TTBK1: variants seen among roughly 807,000 people sequenced by gnomAD.
TTBK1 encodes the protein tau tubulin kinase 1.
TTBK1 carries 34 observed loss-of-function variants against 108.5 expected under a neutral mutation model. The ratio of observed to expected loss-of-function variants is 0.31; its 90% CI spans 0.24 to 0.42. TTBK1 has a LOEUF of 0.42. Among genes scored for constraint, TTBK1 ranks in the 10% least tolerant of loss-of-function variants. The pLI is 1.00. For missense variants in TTBK1, 1,539 were observed against 1,826.0 expected, an observed-to-expected ratio of 0.84 and a Z score of 2.86; for synonymous variants, 809 against 795.1, an observed-to-expected ratio of 1.02 and a Z score of -0.29.
In TTBK1 at chr6:43,269,533, C is replaced by G. The variant is rs1777768229; in HGVS notation, c.1986+6183C>G. 7.7e-7 allele frequency: 1 copy of G among 1,294,658 alleles called. No homozygotes were observed. Among genetic ancestry groups the G allele is most frequent in the African/African-American group, 1.5e-5 (1 of 65,062 alleles). 80.2% of individuals were successfully genotyped at this position (1,294,658 alleles called of 1,614,324 possible). On this transcript the variant is annotated intron_variant, in intron 13 of 14. Coordinates refer to ENST00000259750, the MANE Select transcript of TTBK1 (RefSeq NM_032538.3). The surrounding 1 kb of genome is among the most constrained non-coding windows in gnomAD (Gnocchi z 4.8). The stretch of plus-strand genomic sequence containing the variant: ...CACCCTGCCTGACCCCGCCCACTTG[C>G]CCGGGACGCCGGCGCCGCAGGGGCT...
At chr6:43,255,341 G>A (rs1289902056) in intron 7 of TTBK1, among the ~76,000 whole-genome samples, 1 of 152,144 alleles carries the variant, frequency 6.6e-6, no homozygotes, top group Non-Finnish European at 1.5e-5. Flanking sequence ...ACCCCTGTCC[G>A]GTGAGGAAGC....
rs1420608104 is a variant in TTBK1, at chr6:43,284,651, CT to C, written c.3573-330del. ...AGGATAAAGCCCAGTGCTTTGACTCCTTGGGAGAAAACATTATTTCATATTA... is the reference window on the plus strand; with the variant it reads ...AGGATAAAGCCCAGTGCTTTGACTCCTGGGAGAAAACATTATTTCATATTA... On this transcript the variant is annotated intron_variant, in intron 14 of 14. Transcript: ENST00000259750. 7.9e-5 allele frequency among the ~76,000 whole-genome samples: 12 copies of C among 152,358 alleles called. No homozygotes were observed. The East Asian group carries it at 2.3e-3, about 29-fold the overall frequency.
rs764504416 is a variant in TTBK1 at position 43,283,032 on chromosome 6, G to A, written c.2292G>A (p.Glu764=). The A allele has an allele frequency of 1.4e-5, 23 of 1,590,354 alleles. No homozygotes were observed. In the African/African-American group the frequency reaches 2.8e-4, roughly 20 times the overall value. Residue 764 remains glutamate (E), a synonymous_variant, in exon 14 of 15, where the codon GAG becomes GAA. Transcript: ENST00000259750. This position sits in a 1 kb window ranked among gnomAD's most constrained non-coding sequence, Gnocchi z 8.1. ...AGGAAGAGGAGGAGGAAGAAGAGGA[G>A]GAGGAGGAAGAGGAGGAGGAGGCTG... is the stretch of plus-strand genomic sequence containing the variant. ...EEEEEEEEEE[E]EEEEEEEAAA...
In TTBK1 at chr6:43,285,252, C is replaced by G; in HGVS notation, c.3842C>G (p.Ala1281Gly). 7.7e-7 allele frequency: 1 copy of G among 1,298,076 alleles called. No homozygotes were observed. The highest frequency in any genetic ancestry group is 2.5e-5 in the South Asian group (1 of 39,298). 80.4% of individuals were successfully genotyped at this position (1,298,076 alleles called of 1,614,324 possible). ...CCCCGGGGCGTCCCGCCGGCCCGGGCCCAGCCTGATGGCACCCCCTCCCCC... is the reference window on the plus strand; with the variant it reads ...CCCCGGGGCGTCCCGCCGGCCCGGGGCCAGCCTGATGGCACCCCCTCCCCC... ...PPPRGVPPAR[A>G]QPDGTPSPGG... Residue 1281 changes from alanine (A) to glycine (G), a missense_variant, in exon 15 of 15, where the codon GCC (alanine) becomes GGC (glycine). Around this residue, in one of 5 missense-constraint regions of TTBK1, gnomAD observed 1,055 missense variants for 1,086.5 expected, o/e 0.97. Transcript: ENST00000259750. The surrounding 1 kb of genome is among the most constrained non-coding windows in gnomAD (Gnocchi z 4.7).
chr6:43,269,561 G>A lies in TTBK1; in HGVS notation c.1986+6211G>A. 7.0e-7 allele frequency: 1 copy of A among 1,427,062 alleles called. No individual in the cohort carries two copies. The highest frequency in any genetic ancestry group is 9.2e-7 in the Non-Finnish European group (1 of 1,082,830). 88.4% of individuals were successfully genotyped at this position (1,427,062 alleles called of 1,614,324 possible). A position where few individuals can be genotyped will look rare whatever the true frequency, so the allele number is the denominator to read the frequency against. ...GGGACGCCGGCGCCGCAGGGGCTGT[G>A]AGCGGTGGGTGGCCCCGGAGACGGA... is the stretch of plus-strand genomic sequence containing the variant. On this transcript the variant is annotated intron_variant, in intron 13 of 14. Transcript: ENST00000259750. The surrounding 1 kb of genome is among the most constrained non-coding windows in gnomAD (Gnocchi z 4.8).
Position 43,286,093 on chromosome 6 carries a change from G to C in TTBK1, c.*717G>C, listed in dbSNP as rs1778375476. 6.5e-6 allele frequency: 1 copy of C among 152,798 alleles called. No homozygotes were observed. The highest frequency in any genetic ancestry group is 1.5e-5 in the Non-Finnish European group (1 of 68,188). The allele number at this position is 152,798 out of a possible 1,614,324, so 9.5% of individuals were successfully genotyped here. A position where few individuals can be genotyped will look rare whatever the true frequency, so the allele number is the denominator to read the frequency against. On this transcript the variant is annotated 3_prime_UTR_variant, in exon 15 of 15. Transcript: ENST00000259750. This position sits in a 1 kb window ranked among gnomAD's most constrained non-coding sequence, Gnocchi z 4.6. ...AAGTGATCTTGGAGATGGGTGGGCA[G>C]GTGATTCTGTGGGCAGGGGATGTGC...
chr6:43,254,625 A>G lies in TTBK1; in HGVS notation c.550A>G (p.Thr184Ala), dbSNP rs1239253335. 1 of 1,589,948 alleles carries G rather than the reference A, an allele frequency of 6.3e-7. No homozygotes were observed. Among genetic ancestry groups the G allele is most frequent in the East Asian group, 2.3e-5 (1 of 44,030 alleles). ...GGACTTCGGGCTGGCCCGGCAGTAC[A>G]CCAACACCACGGGGGATGTGCGGCC... ...MLDFGLARQYTNTTGDVRPPR... is the reference protein window; with the variant it reads ...MLDFGLARQYANTTGDVRPPR... The change falls in exon 6 of 15, where the codon ACC (threonine) becomes GCC (alanine). Residue 184 changes from threonine (T) to alanine (A), a missense_variant. Thr to Ala is a moderately conservative substitution (Grantham distance 58, BLOSUM62 0). Transcript: ENST00000259750.
rs1055586598 is a variant in TTBK1 at position 43,276,760 on chromosome 6, G to C, written c.1987-5967G>C. 7.2e-5 allele frequency among the ~76,000 whole-genome samples: 11 copies of C among 152,228 alleles called. No individual in the cohort carries two copies. Among genetic ancestry groups the C allele is most frequent in the Admixed American group, 5.9e-4 (9 of 15,290 alleles). On this transcript the variant is annotated intron_variant, in intron 13 of 14. Coordinates refer to ENST00000259750, the MANE Select transcript of TTBK1 (RefSeq NM_032538.3). The surrounding 1 kb of genome is among the most constrained non-coding windows in gnomAD (Gnocchi z 5.4). ...AGGTCGCCGGGCTGGGCAGAGGGCA[G>C]GGGTTAGTCTGTTGCTGACTCTGGG...
chr6:43,284,369 G>GGAGGGGCTTCTCCAGAACCAAGTT, intron 14 of TTBK1, 57 bp downstream of exon 14: 1 of 1,479,750 alleles, frequency 6.8e-7, no homozygotes, highest in Non-Finnish European at 8.9e-7. Flanking sequence ...GCCTCCACCA[G>GGAGGGGCTTCTCCAGAACCAAGTT]GAGGGGCTTC....
At chr6:43,248,949 C>T (rs1338131539) in intron 2 of TTBK1, among the ~76,000 whole-genome samples, 3 of 152,080 alleles carry the variant, frequency 2.0e-5, no homozygotes, top group Non-Finnish European at 4.4e-5. Flanking sequence ...TGCAAAATGC[C>T]TCATGTGCAT....
intron 9 of TTBK1, among the ~76,000 whole-genome samples, chr6:43,256,191 A>C (rs1322357967): frequency 6.7e-6 from 1 of 149,792 alleles, no homozygotes; most frequent in Non-Finnish European, 1.5e-5. Flanking sequence ...GCTGGAGTGC[A>C]GTGGCGTGAT....
chr6:43,244,494 T>G (rs1026842280), intron 1 of TTBK1, among the ~76,000 whole-genome samples: 1 of 152,112 alleles, frequency 6.6e-6, no homozygotes, highest in Non-Finnish European at 1.5e-5. Context: ...CATGCGCCCA[T>G]GTGCACATAG....
chr6:43,249,900 T>C (rs371777493), intron 2 of TTBK1, among the ~76,000 whole-genome samples: 3 of 151,936 alleles, frequency 2.0e-5, no homozygotes, highest in Non-Finnish European at 4.4e-5. Flanking sequence ...TAAAAGAAAT[T>C]AAAACATTTT....
chr6:43,284,621 G>A (rs1206915793), intron 14 of TTBK1, among the ~76,000 whole-genome samples: 1 of 152,242 alleles, frequency 6.6e-6, no homozygotes, highest in East Asian at 1.9e-4. Flanking sequence ...GGCATTGGAA[G>A]CCAAAGGATA....
chr6:43,251,671 C>G (rs1218314390), intron 2 of TTBK1, among the ~76,000 whole-genome samples: 1 of 152,188 alleles, frequency 6.6e-6, no homozygotes, highest in African/African-American at 2.4e-5. Context: ...TCCTCCCCGC[C>G]TTTCTCACGC....
chr6:43,279,907 C>A (rs937070114), intron 13 of TTBK1, among the ~76,000 whole-genome samples: 3 of 151,034 alleles, frequency 2.0e-5, no homozygotes, highest in African/African-American at 7.3e-5. Flanking sequence ...ACAACCACGC[C>A]CAGCTAATTT....
intron 13 of TTBK1, among the ~76,000 whole-genome samples, chr6:43,279,847 T>G (rs1464590444): frequency 6.6e-6 from 1 of 151,950 alleles, no homozygotes; most frequent in Non-Finnish European, 1.5e-5. Context: ...CACAGCTCAC[T>G]GCAGCCTTGA....
Position 43,257,216 on chromosome 6 carries a change from C to T in TTBK1, c.862-596C>T, listed in dbSNP as rs1777405802. Among the ~76,000 whole-genome samples, 1 of 152,202 alleles carries T rather than the reference C, an allele frequency of 6.6e-6. No homozygotes were observed. On this transcript the variant is annotated intron_variant, in intron 9 of 14. Transcript: ENST00000259750. The surrounding 1 kb of genome is among the most constrained non-coding windows in gnomAD (Gnocchi z 4.5). ...CTGAACCCAGGGCCTGGCAGAGACG[C>T]CCCCTGATCTTGGCTTAGCCTCATG...
At position 43,283,320 on chromosome 6, in the gene TTBK1, C is replaced by T. The variant is rs1290153889; in HGVS notation, c.2580C>T (p.Gly860=). The T allele has an allele frequency of 4.4e-6, 7 of 1,585,022 alleles. No individual in the cohort carries two copies. In the African/African-American group the frequency reaches 8.1e-5, roughly 18 times the overall value. ...AACTGGCCCCCGACCCCGACCTGGG[C>T]ACCCTGGCTGCCCTCACTCCTCAGC... The part of the protein sequence containing the change: ...TAELAPDPDL[G]TLAALTPQHE... Residue 860 remains glycine, a synonymous_variant, in exon 14 of 15, where the codon GGC becomes GGT. Coordinates refer to ENST00000259750, the MANE Select transcript of TTBK1 (RefSeq NM_032538.3). The surrounding 1 kb of genome is among the most constrained non-coding windows in gnomAD (Gnocchi z 8.1).
Sources: allele counts gnomAD v4.1 joint callset (sites outside exome capture counted in the v4.1 genomes callset), GRCh38; gene constraint gnomAD v4.1.1; regional missense constraint gnomAD v4.1.1; non-coding constraint Gnocchi (gnomAD v3.1); transcripts MANE v1.5; gene names NCBI Gene and HGNC (gene_info 2026-07-23, HGNC 2026-07-21).